H2BC4: variants seen among roughly 807,000 people sequenced by gnomAD.
The protein encoded by H2BC4 is H2B clustered histone 4, also known as histone H2B type 1-C/E/F/G/I.
In H2BC4, 10 loss-of-function variants were observed where a neutral mutation model predicts 6.2. The observed-to-expected ratio is 1.61, with a 90% confidence interval of 0.99 to 2.73. The LOEUF (loss-of-function observed/expected upper bound fraction) is 2.73, where lower values mean the gene tolerates loss of function less well. H2BC4 is among the 30% of genes most tolerant of loss of function. The pLI is 0.00. For missense variants in H2BC4, 176 were observed against 168.7 expected (o/e 1.04, Z -0.24); for synonymous variants, 146 against 70.7 (o/e 2.07, Z -5.35).
At chr6:26,113,465 T>C (rs1329732792), downstream of H2BC4, among the ~76,000 whole-genome samples, 5 of 152,228 alleles carry the variant, frequency 3.3e-5, no homozygotes, top group Non-Finnish European at 5.9e-5. Flanking sequence ...TGTGGACATT[T>C]GGCTGTTGAC....
In H2BC4 at chr6:26,123,632, G is replaced by A. The variant is rs1019691643; in HGVS notation, c.273C>T (p.Thr91=). 3.7e-6 allele frequency: 6 copies of A among 1,614,160 alleles called. No individual in the cohort carries two copies. The African/African-American group carries it at 4.0e-5, about 11-fold the overall frequency. The change falls in exon 1 of 1, where the codon ACC becomes ACT. Residue 91 remains threonine, a synonymous_variant. Coordinates refer to ENST00000396984, the MANE Select transcript of H2BC4 (RefSeq NM_003526.3). ...GCACGGCCGTCTGGATCTCCCTGGA[G>A]GTGATGGTCGAGCGCTTGTTGTAAT... The part of the protein sequence containing the change: ...LAHYNKRSTI[T]SREIQTAVRL...
At position 26,123,842 on chromosome 6, in the gene H2BC4, T is replaced by A. The variant is rs1485875647; in HGVS notation, c.63A>T (p.Lys21Asn). 9.9e-6 allele frequency: 16 copies of A among 1,614,130 alleles called. No individual in the cohort carries two copies. The highest frequency in any genetic ancestry group is 1.3e-5 in the African/African-American group (1 of 74,944). ...GCTTCTTGCCATCTTTCTTCTGCGC[T>A]TTGGTCACTGCCTTCTTGGAGCCCT... is the stretch of plus-strand genomic sequence containing the variant. ...PKKGSKKAVT[K>N]AQKKDGKKRK... The change falls in exon 1 of 1, where the codon AAA (lysine) becomes AAT (asparagine). Residue 21 changes from lysine to asparagine, a missense_variant. By Grantham distance (94) the Lys-to-Asn change is moderately conservative. Transcript: ENST00000396984.
chr6:26,116,038 G>C (rs1257908488), intron 1 of H2BC4, among the ~76,000 whole-genome samples: 4 of 152,144 alleles, frequency 2.6e-5, no homozygotes, highest in African/African-American at 9.7e-5. Context: ...AGGGAGAAAA[G>C]TGAAAACAAA....
chr6:26,120,791 A>G (rs531826132), downstream of H2BC4, among the ~76,000 whole-genome samples: 26 of 152,336 alleles, frequency 1.7e-4, no homozygotes, highest in Middle Eastern at 3.4e-3. Context: ...TCAATAGTCC[A>G]ATTTGTAACA....
At chr6:26,119,427 T>G (rs989542168), downstream of H2BC4, among the ~76,000 whole-genome samples, 2 of 152,170 alleles carry the variant, frequency 1.3e-5, no homozygotes, top group Admixed American at 1.3e-4. Context: ...GAGAATTAAT[T>G]TACTCAATTT....
chr6:26,116,622 C>A (rs1466100871), intron 1 of H2BC4, among the ~76,000 whole-genome samples: 2 of 152,238 alleles, frequency 1.3e-5, no homozygotes, highest in South Asian at 2.1e-4. Flanking sequence ...ATGGCTTCAG[C>A]CCAGAAGGTG....
At chr6:26,122,197 C>T (rs1364778054), downstream of H2BC4, among the ~76,000 whole-genome samples, 1 of 152,144 alleles carries the variant, frequency 6.6e-6, no homozygotes, top group Non-Finnish European at 1.5e-5. Flanking sequence ...CCTTGTCTGG[C>T]ACCAAAGACA....
intron 1 of H2BC4, among the ~76,000 whole-genome samples, chr6:26,117,050 T>C (rs1763430603): frequency 6.6e-6 from 1 of 152,186 alleles, no homozygotes; most frequent in South Asian, 2.1e-4. Flanking sequence ...AGAGAAATGA[T>C]AGTTATCATT....
rs1261995194 is a variant in H2BC4 at position 26,123,843 on chromosome 6, T to TA, written c.61_62insT (p.Lys21IlefsTer48). The stretch of plus-strand genomic sequence containing the variant: ...CTTCTTGCCATCTTTCTTCTGCGCT[T>TA]TGGTCACTGCCTTCTTGGAGCCCTT... On this transcript the variant is annotated frameshift_variant, in exon 1 of 1. Coordinates refer to ENST00000396984, the MANE Select transcript of H2BC4 (RefSeq NM_003526.3). LOFTEE classifies it high-confidence loss of function. The TA allele has an allele frequency of 6.2e-7, 1 of 1,614,154 alleles. No homozygotes were observed. The highest frequency in any genetic ancestry group is 8.5e-7 in the Non-Finnish European group (1 of 1,180,064).
Position 26,123,842 on chromosome 6 carries a change from T to C in H2BC4, c.63A>G (p.Lys21=). The change falls in exon 1 of 1, where the codon AAA becomes AAG. Residue 21 remains lysine, a synonymous_variant. Coordinates refer to ENST00000396984, the MANE Select transcript of H2BC4 (RefSeq NM_003526.3). ...GCTTCTTGCCATCTTTCTTCTGCGC[T>C]TTGGTCACTGCCTTCTTGGAGCCCT... ...PKKGSKKAVT[K]AQKKDGKKRK... is the part of the protein sequence containing the mutation. 6.2e-7 allele frequency: 1 copy of C among 1,614,248 alleles called. No homozygotes were observed. The highest frequency in any genetic ancestry group is 1.6e-4 in the Middle Eastern group (1 of 6,062).
downstream of H2BC4, among the ~76,000 whole-genome samples, chr6:26,122,416 A>C (rs74667643): frequency 0.016 from 2,390 of 152,334 alleles, 66 homozygotes; most frequent in African/African-American, 0.052. Context: ...GAATAAAAAG[A>C]TAGGTAGACT....
At chr6:26,122,851 G>A (rs1763521187), downstream of H2BC4, among the ~76,000 whole-genome samples, 1 of 152,186 alleles carries the variant, frequency 6.6e-6, no homozygotes, top group Non-Finnish European at 1.5e-5. Flanking sequence ...GATGTATGAA[G>A]CAACATCTGG....
At chr6:26,115,108 A>G (rs1167790089) in exon 2 of H2BC4, 4 of 152,160 alleles carry the variant, frequency 2.6e-5, no homozygotes, top group African/African-American at 7.2e-5. Flanking sequence ...CTGTTGGAAA[A>G]GATATGTCTA....
At position 26,123,829 on chromosome 6, in the gene H2BC4, C is replaced by T. The variant is rs1032508683; in HGVS notation, c.76G>A (p.Asp26Asn). 6.2e-7 allele frequency: 1 copy of T among 1,614,230 alleles called. No individual in the cohort carries two copies. Residue 26 changes from aspartate to asparagine, a missense_variant, in exon 1 of 1, where the codon GAT becomes AAT. By Grantham distance (23) the Asp-to-Asn change is conservative. Coordinates refer to ENST00000396984, the MANE Select transcript of H2BC4 (RefSeq NM_003526.3). ...KKAVTKAQKK[D>N]GKKRKRSRKE... ...CGGCTGCGCTTGCGCTTCTTGCCAT[C>T]TTTCTTCTGCGCTTTGGTCACTGCC...
downstream of H2BC4, among the ~76,000 whole-genome samples, chr6:26,120,574 A>C (rs1486331586): frequency 2.6e-5 from 4 of 152,248 alleles, no homozygotes; most frequent in Non-Finnish European, 5.9e-5. Flanking sequence ...TGATCAGTTA[A>C]AGAAATAAAA....
At chr6:26,122,078 A>G (rs1763505853), downstream of H2BC4, among the ~76,000 whole-genome samples, 1 of 152,064 alleles carries the variant, frequency 6.6e-6, no homozygotes. Context: ...AAAAGAAAAA[A>G]AAATTTACTT....
At chr6:26,119,692 G>C (rs1207800200), downstream of H2BC4, among the ~76,000 whole-genome samples, 1 of 151,608 alleles carries the variant, frequency 6.6e-6, no homozygotes, top group Admixed American at 6.6e-5. Flanking sequence ...TTTTGTTTTT[G>C]TTTTTTAGAA....
At position 26,123,825 on chromosome 6, in the gene H2BC4, C is replaced by A. The variant is rs1452836467; in HGVS notation, c.80G>T (p.Gly27Val). ...KAVTKAQKKD[G>V]KKRKRSRKES... The stretch of plus-strand genomic sequence containing the variant: ...CTTGCGGCTGCGCTTGCGCTTCTTG[C>A]CATCTTTCTTCTGCGCTTTGGTCAC... The change falls in exon 1 of 1, where the codon GGC becomes GTC. Residue 27 changes from glycine (G) to valine (V), a missense_variant. Transcript: ENST00000396984. 1.9e-6 allele frequency: 3 copies of A among 1,614,146 alleles called. No individual in the cohort carries two copies. The highest frequency in any genetic ancestry group is 1.6e-4 in the Middle Eastern group (1 of 6,084).
exon 2 of H2BC4, chr6:26,114,928 T>G (rs1048690345): frequency 6.6e-6 from 1 of 152,194 alleles, no homozygotes; most frequent in African/African-American, 2.4e-5. Context: ...CATAAATTTC[T>G]ATGAAGAATA....
Sources: allele counts gnomAD v4.1 joint callset (sites outside exome capture counted in the v4.1 genomes callset), GRCh38; gene constraint gnomAD v4.1.1; transcripts MANE v1.5; gene names NCBI Gene and HGNC (gene_info 2026-07-23, HGNC 2026-07-21).